The following POU6F2 variants were observed in gnomAD, a reference collection of about 807,000 sequenced individuals.
The protein encoded by POU6F2 is POU domain, class 6, transcription factor 2.
POU6F2 carries 31 observed loss-of-function variants against 71.3 expected under a neutral mutation model. That is an observed-to-expected ratio of 0.43 (90% CI 0.33 to 0.59). The LOEUF is 0.59. Ranked by LOEUF, POU6F2 falls within the 20% of genes least tolerant of loss-of-function variation. The probability of loss-of-function intolerance (pLI) is 0.04; values close to 1 mark genes in which losing one functional copy is unlikely to be tolerated. For synonymous variants in POU6F2, 347 were observed against 355.7 expected, an observed-to-expected ratio of 0.98 and a Z score of 0.27; for missense variants, 783 against 856.8, an observed-to-expected ratio of 0.91 and a Z score of 1.07.
intron 5 of POU6F2, among the ~76,000 whole-genome samples, chr7:39,359,975 TTTTG>T: frequency 6.6e-6 from 1 of 152,330 alleles, no homozygotes; most frequent in South Asian, 2.1e-4. Context: ...TAAATGCCAT[TTTTG>T]TTTAACTACT....
chr7:39,379,206 A>C (rs1256027973), intron 5 of POU6F2, among the ~76,000 whole-genome samples: 1 of 152,178 alleles, frequency 6.6e-6, no homozygotes, highest in African/African-American at 2.4e-5. Flanking sequence ...TCGTGGAAAT[A>C]CACAACAGAC....
At chr7:39,063,579 C>G (rs1790700218) in intron 1 of POU6F2, among the ~76,000 whole-genome samples, 1 of 152,014 alleles carries the variant, frequency 6.6e-6, no homozygotes, top group Non-Finnish European at 1.5e-5. Context: ...AAGAACAATG[C>G]AAGACTTCTG....
chr7:39,248,226 A>G (rs1053194918), intron 4 of POU6F2, among the ~76,000 whole-genome samples: 1 of 152,206 alleles, frequency 6.6e-6, no homozygotes, highest in South Asian at 2.1e-4. Flanking sequence ...TGGGATTAAG[A>G]TAGCATTTCT....
chr7:39,348,887 G>A (rs1380179787), intron 5 of POU6F2, among the ~76,000 whole-genome samples: 2 of 152,202 alleles, frequency 1.3e-5, no homozygotes, highest in Non-Finnish European at 2.9e-5. Context: ...AAGACATCCT[G>A]CAGTAGAGAT....
chr7:39,306,865 G>A (rs1354824901), intron 4 of POU6F2, among the ~76,000 whole-genome samples: 1 of 152,206 alleles, frequency 6.6e-6, no homozygotes, highest in African/African-American at 2.4e-5. Context: ...CTCTGCCAGA[G>A]GACCCTGTTT....
intron 4 of POU6F2, among the ~76,000 whole-genome samples, chr7:39,251,221 G>C (rs1487413133): frequency 6.6e-6 from 1 of 152,184 alleles, no homozygotes; most frequent in Non-Finnish European, 1.5e-5. Flanking sequence ...CTCTCCAGAA[G>C]AGGCTGCCTG....
At position 39,214,686 on chromosome 7, in the gene POU6F2, A is replaced by G. The variant is rs144172968; in HGVS notation, c.598+7066A>G. Reference sequence around the variant, plus strand: ...CTAGCTTACTTGTAAAAGGTGCTCAAGTGTGAATGAGTGAATTTTAAAGAC... The same window carrying G: ...CTAGCTTACTTGTAAAAGGTGCTCAGGTGTGAATGAGTGAATTTTAAAGAC... On this transcript the variant is annotated intron_variant, in intron 4 of 9. Coordinates refer to ENST00000518318, the MANE Select transcript of POU6F2 (RefSeq NM_001370959.1). Among the ~76,000 whole-genome samples, 570 of 152,368 alleles carry G rather than the reference A, an allele frequency of 3.7e-3. 6 individuals carry two copies. Among genetic ancestry groups the G allele is most frequent in the South Asian group, 0.022 (107 of 4,832 alleles).
At chr7:39,378,756 C>G (rs562803093) in intron 5 of POU6F2, among the ~76,000 whole-genome samples, 14 of 152,284 alleles carry the variant, frequency 9.2e-5, no homozygotes, top group Non-Finnish European at 1.9e-4. Context: ...TCCAGGAACA[C>G]CAATGTGAAA....
chr7:39,303,684 G>A (rs995287201), intron 4 of POU6F2, among the ~76,000 whole-genome samples: 5 of 152,170 alleles, frequency 3.3e-5, no homozygotes, highest in African/African-American at 1.2e-4. Context: ...TACCAACTAT[G>A]ACAGGTGATG....
chr7:39,256,073 C>T (rs544898223), intron 4 of POU6F2, among the ~76,000 whole-genome samples: 9 of 151,966 alleles, frequency 5.9e-5, no homozygotes, highest in East Asian at 3.9e-4. Flanking sequence ...CTGCCTTTCC[C>T]GGGTACATTC....
At chr7:39,450,658 C>G (rs1409720511) in intron 7 of POU6F2, among the ~76,000 whole-genome samples, 1 of 152,156 alleles carries the variant, frequency 6.6e-6, no homozygotes, top group Non-Finnish European at 1.5e-5. Context: ...TTAACACACA[C>G]ACAATTTTTA....
intron 4 of POU6F2, among the ~76,000 whole-genome samples, chr7:39,331,700 G>A (rs1785655325): frequency 1.3e-5 from 2 of 152,062 alleles, no homozygotes; most frequent in Admixed American, 6.5e-5. Flanking sequence ...TAGTAGAGAC[G>A]GGGTTTCACC....
At chr7:39,326,397 C>G (rs1248227796) in intron 4 of POU6F2, among the ~76,000 whole-genome samples, 2 of 152,198 alleles carry the variant, frequency 1.3e-5, no homozygotes, top group Non-Finnish European at 2.9e-5. Flanking sequence ...ACTACTAGTT[C>G]TTGTGTGAAG....
chr7:38,986,111 T>G (rs925928135), intron 1 of POU6F2, among the ~76,000 whole-genome samples: 39 of 152,282 alleles, frequency 2.6e-4, no homozygotes, highest in Admixed American at 1.3e-3. Flanking sequence ...TAACCTCTAA[T>G]AATCTAAAAA....
intron 4 of POU6F2, among the ~76,000 whole-genome samples, chr7:39,249,248 T>C (rs1783873470): frequency 6.6e-6 from 1 of 152,246 alleles, no homozygotes; most frequent in Admixed American, 6.5e-5. Flanking sequence ...AGGATTGTTT[T>C]TCTGCTTCAT....
At position 39,085,915 on chromosome 7, in the gene POU6F2, T is replaced by C. The variant is rs199673767; in HGVS notation, c.161T>C (p.Met54Thr). The C allele has an allele frequency of 6.2e-7, 1 of 1,613,302 alleles. No homozygotes were observed. The highest frequency in any genetic ancestry group is 8.5e-7 in the Non-Finnish European group (1 of 1,179,730). ...CCCTTGCTGTCAGTGCGGAGTGAAATGAATGCGGAGTTGAGAGGTGAGGAC... is the reference window on the plus strand; with the variant it reads ...CCCTTGCTGTCAGTGCGGAGTGAAACGAATGCGGAGTTGAGAGGTGAGGAC... Reference protein sequence around the residue: ...SKPLLSVRSEMNAELRGEDKA... With the variant: ...SKPLLSVRSETNAELRGEDKA... The change falls in exon 2 of 10, where the codon ATG becomes ACG. Residue 54 changes from methionine to threonine, a missense_variant. This residue lies in a region of POU6F2 where 572 missense variants were observed against 572.9 expected (regional missense o/e 1.00). Transcript: ENST00000518318.
At chr7:39,167,095 G>A (rs1793129224) in intron 2 of POU6F2, among the ~76,000 whole-genome samples, 1 of 152,086 alleles carries the variant, frequency 6.6e-6, no homozygotes, top group African/African-American at 2.4e-5. Context: ...AGTACTTTGT[G>A]TATATCCAAA....
rs548637878 is a variant in POU6F2, at chr7:39,112,263, C to A, written c.277+26232C>A. Among the ~76,000 whole-genome samples the A allele has an allele frequency of 4.7e-3, 716 of 152,248 alleles. 4 individuals are homozygous for A. The highest frequency in any genetic ancestry group is 0.018 in the South Asian group (85 of 4,820). On this transcript the variant is annotated intron_variant, in intron 2 of 9. Coordinates refer to ENST00000518318, the MANE Select transcript of POU6F2 (RefSeq NM_001370959.1). ...AGTCTTTTAAATATGATACAGGTAA[C>A]TTAAAAGTACTACTTTTAAGTGAGC...
intron 4 of POU6F2, among the ~76,000 whole-genome samples, chr7:39,272,310 C>T (rs1453916638): frequency 6.6e-6 from 1 of 152,174 alleles, no homozygotes; most frequent in Admixed American, 6.5e-5. Flanking sequence ...CTCCTCCACT[C>T]CCATCACAGT....
Sources: gnomAD v4.1 joint callset for allele counts (sites outside exome capture counted in the v4.1 genomes callset) on GRCh38, gnomAD v4.1.1 for gene constraint, gnomAD v4.1.1 regional missense constraint, MANE v1.5 for transcripts, NCBI Gene and HGNC (gene_info 2026-07-23, HGNC 2026-07-21) for gene names.